ZSWIM6: variants seen among roughly 807,000 people sequenced by gnomAD.
ZSWIM6 encodes zinc finger SWIM domain-containing protein 6.
Under a neutral mutation model 113.2 loss-of-function variants are expected in ZSWIM6, and 9 were observed. That is an observed-to-expected ratio of 0.08 (90% CI 0.05 to 0.14). ZSWIM6 has a LOEUF of 0.14. Among genes scored for constraint, ZSWIM6 ranks in the 10% least tolerant of loss-of-function variants. The pLI, the probability that ZSWIM6 is intolerant of heterozygous loss-of-function variation, is 1.00. For synonymous variants in ZSWIM6, 611 were observed against 606.5 expected (o/e 1.01, Z -0.11); for missense variants, 1,162 against 1,552.2 (o/e 0.75, Z 4.22).
At chr5:61,337,302 A>G (rs1367834421) in intron 1 of ZSWIM6, among the ~76,000 whole-genome samples, 2 of 152,074 alleles carry the variant, frequency 1.3e-5, no homozygotes, top group Admixed American at 6.5e-5. Context: ...AACAAAAACA[A>G]AAAAAACGAG....
At chr5:61,493,957 G>A (rs1748252113) in intron 3 of ZSWIM6, among the ~76,000 whole-genome samples, 1 of 152,120 alleles carries the variant, frequency 6.6e-6, no homozygotes. Context: ...TTTTGTAATT[G>A]AGAGCATTTT....
chr5:61,394,929 C>T (rs1330087353), intron 1 of ZSWIM6, among the ~76,000 whole-genome samples: 1 of 152,000 alleles, frequency 6.6e-6, no homozygotes, highest in Non-Finnish European at 1.5e-5. Flanking sequence ...CGTTGTGTGC[C>T]GTGTTGAGGA....
At chr5:61,483,915 A>G (rs1271710151) in intron 2 of ZSWIM6, among the ~76,000 whole-genome samples, 4 of 150,992 alleles carry the variant, frequency 2.6e-5, no homozygotes, top group African/African-American at 9.7e-5. Context: ...AAATAAATAT[A>G]TATATAAATA....
intron 1 of ZSWIM6, among the ~76,000 whole-genome samples, chr5:61,469,881 G>A (rs1208985555): frequency 6.6e-6 from 1 of 152,062 alleles, no homozygotes; most frequent in Non-Finnish European, 1.5e-5. Flanking sequence ...CTGATTTTTT[G>A]TATTTTTAGT....
intron 1 of ZSWIM6, among the ~76,000 whole-genome samples, chr5:61,408,643 AAGGTGTGATGC>A (rs938189180): frequency 1.3e-4 from 20 of 152,240 alleles, no homozygotes; most frequent in African/African-American, 4.8e-4. Context: ...GAAGGGGTTA[AAGGTGTGATGC>A]AGGTAAAGGA....
intron 4 of ZSWIM6, among the ~76,000 whole-genome samples, chr5:61,518,746 C>G (rs970791961): frequency 1.2e-4 from 19 of 152,206 alleles, no homozygotes; most frequent in African/African-American, 3.9e-4. Context: ...GTTGCCTGTT[C>G]ACTCTGATGA....
At chr5:61,346,466 A>C (rs946769943) in intron 1 of ZSWIM6, among the ~76,000 whole-genome samples, 5 of 152,224 alleles carry the variant, frequency 3.3e-5, no homozygotes, top group Non-Finnish European at 7.3e-5. Context: ...ATATCAATGT[A>C]TCTCTCTAGA....
At chr5:61,429,705 G>T (rs1746538069) in intron 1 of ZSWIM6, among the ~76,000 whole-genome samples, 1 of 152,146 alleles carries the variant, frequency 6.6e-6, no homozygotes, top group South Asian at 2.1e-4. Flanking sequence ...ATGTGTCTAT[G>T]TGTGTGTGTA....
Position 61,544,403 on chromosome 5 carries a change from T to A in ZSWIM6, c.*86T>A, listed in dbSNP as rs996549975. The A allele has an allele frequency of 3.3e-6, 3 of 919,398 alleles. No homozygotes were observed. Among genetic ancestry groups the A allele is most frequent in the African/African-American group, 3.3e-5 (2 of 60,362 alleles). 57.0% of individuals were successfully genotyped at this position (919,398 alleles called of 1,614,324 possible). A position where few individuals can be genotyped will look rare whatever the true frequency, so the allele number is the denominator to read the frequency against. ...GCCTGCCTTTGTACCCTTTTTAACT[T>A]AAAGAACAGAGCCACACCGGTATTA... On this transcript the variant is annotated 3_prime_UTR_variant, in exon 14 of 14. Coordinates refer to ENST00000252744, the MANE Select transcript of ZSWIM6 (RefSeq NM_020928.2).
intron 1 of ZSWIM6, among the ~76,000 whole-genome samples, chr5:61,442,374 T>C (rs1485558764): frequency 1.3e-5 from 2 of 152,192 alleles, no homozygotes; most frequent in Admixed American, 6.5e-5. Flanking sequence ...ATAGGGAATC[T>C]GTCTTGTCAG....
intron 1 of ZSWIM6, among the ~76,000 whole-genome samples, chr5:61,439,643 C>T (rs1027402218): frequency 2.6e-5 from 4 of 152,138 alleles, no homozygotes; most frequent in African/African-American, 9.7e-5. Context: ...TGTTGGTGGA[C>T]ATTACTGTTG....
At chr5:61,402,852 C>A (rs1310204812) in intron 1 of ZSWIM6, among the ~76,000 whole-genome samples, 1 of 152,052 alleles carries the variant, frequency 6.6e-6, no homozygotes, top group African/African-American at 2.4e-5. Context: ...TATAGTTGAA[C>A]CTTATATCTA....
In ZSWIM6 at chr5:61,361,105, A is replaced by C. The variant is rs546830999; in HGVS notation, c.676+28157A>C. ...GGTAAAGTCACAGAGGAGTGGGAGTAGGTCCCAATGTGGACTTTTCCCTGG... is the reference window on the plus strand; with the variant it reads ...GGTAAAGTCACAGAGGAGTGGGAGTCGGTCCCAATGTGGACTTTTCCCTGG... On this transcript the variant is annotated intron_variant, in intron 1 of 13. Transcript: ENST00000252744. Among the ~76,000 whole-genome samples, 9 of 152,220 alleles carry C rather than the reference A, an allele frequency of 5.9e-5. 1 individual carries two copies. In the South Asian group the frequency reaches 1.9e-3, roughly 32 times the overall value.
intron 1 of ZSWIM6, among the ~76,000 whole-genome samples, chr5:61,453,967 A>T (rs7722810): frequency 0.38 from 56,953 of 151,786 alleles, 10,843 homozygotes; most frequent in South Asian, 0.43. Context: ...CAGCATTATT[A>T]CTATGTTATT....
chr5:61,516,972 T>G (rs1748963105), intron 4 of ZSWIM6, among the ~76,000 whole-genome samples: 1 of 152,176 alleles, frequency 6.6e-6, no homozygotes, highest in Admixed American at 6.5e-5. Flanking sequence ...TTAAAGATAT[T>G]GTTCCATTGT....
chr5:61,454,214 AATTTT>A (rs140502029), intron 1 of ZSWIM6, among the ~76,000 whole-genome samples: 49,046 of 128,006 alleles, frequency 0.38, 10,144 homozygotes, highest in East Asian at 0.71. Flanking sequence ...GAGTTCCCTA[AATTTT>A]ATTTTATTTT....
rs1269483269 is a variant in ZSWIM6 at position 61,545,447 on chromosome 5, T to G, written c.*1130T>G. ...GTTCGTGCCTCCTAGCCTAGGAAAC[T>G]TAAAAGAAATATCCTTTTGACACAA... is the stretch of plus-strand genomic sequence containing the variant. On this transcript the variant is annotated 3_prime_UTR_variant, in exon 14 of 14. Coordinates refer to ENST00000252744, the MANE Select transcript of ZSWIM6 (RefSeq NM_020928.2). 6.6e-6 allele frequency: 1 copy of G among 152,044 alleles called. No homozygotes were observed. The highest frequency in any genetic ancestry group is 6.6e-5 in the Admixed American group (1 of 15,258). The allele number at this position is 152,044 out of a possible 1,614,324, so 9.4% of individuals were successfully genotyped here. A position where few individuals can be genotyped will look rare whatever the true frequency, so the allele number is the denominator to read the frequency against.
At chr5:61,426,612 T>C (rs1333731072) in intron 1 of ZSWIM6, among the ~76,000 whole-genome samples, 5 of 152,214 alleles carry the variant, frequency 3.3e-5, no homozygotes, top group Admixed American at 2.0e-4. Context: ...ATGGGATTTT[T>C]TTTTTCCTTC....
chr5:61,541,899 C>T lies in ZSWIM6; in HGVS notation c.2719C>T (p.Leu907=). ...GTTTTTATAGGTTATGCGAATGACA[C>T]TGTCAACCTTAAATTGGCGACGGCG... The part of the protein sequence containing the change: ...ELGLQVMRMT[L]STLNWRRREM... Residue 907 remains leucine, a synonymous_variant, in exon 13 of 14, where the codon CTG becomes TTG. Coordinates refer to ENST00000252744, the MANE Select transcript of ZSWIM6 (RefSeq NM_020928.2). 1 of 1,550,622 alleles carries T rather than the reference C, an allele frequency of 6.4e-7. No homozygotes were observed. The highest frequency in any genetic ancestry group is 8.7e-7 in the Non-Finnish European group (1 of 1,146,096).
Sources: gnomAD v4.1 joint callset for allele counts (sites outside exome capture counted in the v4.1 genomes callset) on GRCh38, gnomAD v4.1.1 for gene constraint, MANE v1.5 for transcripts, NCBI Gene and HGNC (gene_info 2026-07-23, HGNC 2026-07-21) for gene names.